Variants in NDRG3 observed in about 807,000 individuals in gnomAD.
The protein encoded by NDRG3 is protein NDRG3.
NDRG3 carries 23 observed loss-of-function variants against 57.2 expected under a neutral mutation model. The ratio of observed to expected loss-of-function variants is 0.40; its 90% CI spans 0.29 to 0.57. The LOEUF (loss-of-function observed/expected upper bound fraction) is 0.57, where lower values mean the gene tolerates loss of function less well. NDRG3 is among the 20% of genes least tolerant of loss of function. The pLI is 0.42. For missense variants in NDRG3, 384 were observed against 457.3 expected (o/e 0.84, Z 1.46); for synonymous variants, 132 against 162.6 (o/e 0.81, Z 1.43).
At chr20:36,722,301 A>C in intron 1 of NDRG3, among the ~76,000 whole-genome samples, 1 of 152,174 alleles carries the variant, frequency 6.6e-6, no homozygotes, top group South Asian at 2.1e-4. Flanking sequence ...TCCCCAGCTG[A>C]GTGTCAGAGA....
chr20:36,656,606 T>C (rs1353490264), intron 13 of NDRG3, 74 bp from the exon 14 acceptor site: 1 of 1,525,208 alleles, frequency 6.6e-7, no homozygotes, highest in East Asian at 2.3e-5. Context: ...CCAAGTCCTT[T>C]CAAACAGAAC....
intron 2 of NDRG3, among the ~76,000 whole-genome samples, chr20:36,711,590 C>T (rs546148246): frequency 6.6e-6 from 1 of 152,140 alleles, no homozygotes; most frequent in South Asian, 2.1e-4. Flanking sequence ...TCTGTAAAGC[C>T]CTCGGTCCCT....
At chr20:36,686,560 C>T (rs1402572170) in intron 5 of NDRG3, among the ~76,000 whole-genome samples, 1 of 152,186 alleles carries the variant, frequency 6.6e-6, no homozygotes, top group Non-Finnish European at 1.5e-5. Flanking sequence ...AATTAGCATT[C>T]CACAGAGTGT....
intron 1 of NDRG3, 145 bp from the exon 2 acceptor site, chr20:36,721,928 G>A (rs1984617879): frequency 1.9e-6 from 1 of 538,296 alleles, no homozygotes; most frequent in Non-Finnish European, 3.3e-6. Context: ...AGTTACGGCA[G>A]ATAGACACTA....
At chr20:36,742,293 A>G (rs1445549904) in intron 1 of NDRG3, among the ~76,000 whole-genome samples, 1 of 152,216 alleles carries the variant, frequency 6.6e-6, no homozygotes, top group Non-Finnish European at 1.5e-5. Flanking sequence ...GCACATAAAT[A>G]GAATCATAAT....
intron 8 of NDRG3, among the ~76,000 whole-genome samples, chr20:36,677,327 C>T (rs1417546380): frequency 6.6e-6 from 1 of 152,216 alleles, no homozygotes; most frequent in African/African-American, 2.4e-5. Flanking sequence ...TAAGGCCCCA[C>T]CCTCAGGCCA....
chr20:36,663,274 C>A (rs1236657817), intron 12 of NDRG3, among the ~76,000 whole-genome samples: 2 of 152,156 alleles, frequency 1.3e-5, no homozygotes, highest in Admixed American at 1.3e-4. Flanking sequence ...CGAATGTTAT[C>A]CTTTCACATC....
At chr20:36,723,959 A>C (rs779587600) in intron 1 of NDRG3, among the ~76,000 whole-genome samples, 5 of 151,946 alleles carry the variant, frequency 3.3e-5, no homozygotes, top group Non-Finnish European at 5.9e-5. Context: ...CACACACCTC[A>C]GCCTCCCAAA....
chr20:36,716,899 A>G (rs1352291065), intron 2 of NDRG3, among the ~76,000 whole-genome samples: 1 of 152,194 alleles, frequency 6.6e-6, no homozygotes, highest in Non-Finnish European at 1.5e-5. Flanking sequence ...TGTAGGTTCT[A>G]GCCTGGCTTC....
At chr20:36,675,479 C>T (rs148656936) in intron 8 of NDRG3, among the ~76,000 whole-genome samples, 8,432 of 151,656 alleles carry the variant, frequency 0.056, 338 homozygotes, top group East Asian at 0.15. Context: ...CTCCACCTCC[C>T]GGGTTCAAGT....
At chr20:36,704,959 T>A (rs1175754676) in intron 3 of NDRG3, among the ~76,000 whole-genome samples, 1 of 152,116 alleles carries the variant, frequency 6.6e-6, no homozygotes, top group African/African-American at 2.4e-5. Context: ...GGTTTTTCAA[T>A]CCCAACCACT....
chr20:36,677,409 G>A lies in NDRG3; in HGVS notation c.531+3407C>T, dbSNP rs141480122. Among the ~76,000 whole-genome samples, 189 of 152,284 alleles carry A rather than the reference G, an allele frequency of 1.2e-3. No homozygotes were observed. In the Middle Eastern group the frequency reaches 0.014, roughly 11 times the overall value. ...GTCAGGACTTGTGGCACCTCTTCCC[G>A]GCCTGCCCATGGCCGCCCATGGGCC... On this transcript the variant is annotated intron_variant, in intron 8 of 15. Coordinates refer to ENST00000349004, the MANE Select transcript of NDRG3 (RefSeq NM_032013.4).
At chr20:36,744,980 G>T (rs1986117367) in intron 1 of NDRG3, among the ~76,000 whole-genome samples, 1 of 141,186 alleles carries the variant, frequency 7.1e-6, no homozygotes, top group Non-Finnish European at 1.6e-5. Context: ...GGGGGGGGGG[G>T]CGCGGCGGGG....
intron 8 of NDRG3, among the ~76,000 whole-genome samples, chr20:36,673,156 G>A (rs1217637188): frequency 2.0e-5 from 3 of 152,200 alleles, no homozygotes; most frequent in South Asian, 2.1e-4. Context: ...GAAACACTGC[G>A]CCCAGCCAGG....
chr20:36,720,683 C>A (rs1356297695), intron 2 of NDRG3, among the ~76,000 whole-genome samples: 3 of 152,134 alleles, frequency 2.0e-5, no homozygotes, highest in Non-Finnish European at 4.4e-5. Context: ...ACATCACCAG[C>A]CATGGATGGT....
At chr20:36,688,998 C>G (rs987499951) in intron 3 of NDRG3, among the ~76,000 whole-genome samples, 1 of 152,098 alleles carries the variant, frequency 6.6e-6, no homozygotes, top group Admixed American at 6.6e-5. Context: ...CTTTGAGGAT[C>G]AGCCTGGCCA....
intron 4 of NDRG3, among the ~76,000 whole-genome samples, chr20:36,688,113 T>C (rs79346787): frequency 0.028 from 4,300 of 152,308 alleles, 243 homozygotes; most frequent in African/African-American, 0.099. Flanking sequence ...TCACTTCTCA[T>C]GCCAAGGCAG....
chr20:36,728,071 TG>T (rs1737957068), intron 1 of NDRG3, among the ~76,000 whole-genome samples: 1 of 151,840 alleles, frequency 6.6e-6, no homozygotes. Flanking sequence ...TTTTTTTTTT[TG>T]AGATGGAGTC....
chr20:36,725,401 G>C (rs1443833858), intron 1 of NDRG3, among the ~76,000 whole-genome samples: 2 of 151,944 alleles, frequency 1.3e-5, no homozygotes, highest in Non-Finnish European at 2.9e-5. Context: ...CCTGAGGTTC[G>C]AGACCAGTCT....
Sources: gnomAD v4.1 joint callset for allele counts (sites outside exome capture counted in the v4.1 genomes callset) on GRCh38, gnomAD v4.1.1 for gene constraint, MANE v1.5 for transcripts, NCBI Gene and HGNC (gene_info 2026-07-23, HGNC 2026-07-21) for gene names.